SCHIP1: variants seen among roughly 807,000 people sequenced by gnomAD.
SCHIP1 encodes schwannomin interacting protein 1.
SCHIP1 carries 8 observed loss-of-function variants against 29.7 expected under a neutral mutation model. The ratio of observed to expected loss-of-function variants is 0.27; its 90% confidence interval spans 0.16 to 0.49. The LOEUF is 0.49. Ranked by LOEUF, SCHIP1 falls within the 20% of genes least tolerant of loss-of-function variation. The pLI, the probability that SCHIP1 is intolerant of heterozygous loss-of-function variation, is 0.99. For missense variants in SCHIP1, 193 were observed against 294.6 expected (o/e 0.66, Z 2.52); for synonymous variants, 76 against 94.9 (o/e 0.80, Z 1.16).
the SCHIP1 span, among the ~76,000 whole-genome samples, chr3:159,418,138 C>T: frequency 0.96 from 145,651 of 152,298 alleles, 69,678 homozygotes; most frequent in Admixed American, 0.97. Context: ...TAGAGCTTTT[C>T]CCATATTGGC....
chr3:159,591,838 T>A, the SCHIP1 span, among the ~76,000 whole-genome samples: 1 of 151,746 alleles, frequency 6.6e-6, no homozygotes, highest in East Asian at 1.9e-4. Context: ...AAAACATAGA[T>A]GAAGGGTTGA....
the SCHIP1 span, among the ~76,000 whole-genome samples, chr3:159,552,446 C>T: frequency 6.6e-6 from 1 of 151,406 alleles, no homozygotes; most frequent in Non-Finnish European, 1.5e-5. Context: ...ATGAATGAAT[C>T]GACAAAAAAA....
chr3:159,725,225 G>A, the SCHIP1 span, among the ~76,000 whole-genome samples: 2 of 151,500 alleles, frequency 1.3e-5, no homozygotes, highest in African/African-American at 4.8e-5. Flanking sequence ...CACTTGGGAA[G>A]ATGAGAGAGA....
the SCHIP1 span, among the ~76,000 whole-genome samples, chr3:159,762,895 A>T: frequency 1.3e-5 from 2 of 152,106 alleles, no homozygotes; most frequent in East Asian, 1.9e-4. Context: ...CCCTCACCTG[A>T]TATCTACCTC....
the SCHIP1 span, among the ~76,000 whole-genome samples, chr3:159,753,110 A>G: frequency 1.3e-5 from 2 of 152,110 alleles, no homozygotes; most frequent in African/African-American, 2.4e-5. Flanking sequence ...TCCTAGTTCT[A>G]TAAGTGCTAG....
At chr3:159,355,770 A>T in the SCHIP1 span, among the ~76,000 whole-genome samples, 1 of 152,004 alleles carries the variant, frequency 6.6e-6, no homozygotes, top group Admixed American at 6.6e-5. Context: ...GGCGAGGCTA[A>T]ATTTGACCTG....
the SCHIP1 span, among the ~76,000 whole-genome samples, chr3:159,421,230 A>T: frequency 6.6e-6 from 1 of 152,084 alleles, no homozygotes; most frequent in Non-Finnish European, 1.5e-5. Context: ...TTTATTGTTC[A>T]TTATTTTCTT....
the SCHIP1 span, among the ~76,000 whole-genome samples, chr3:159,481,446 G>A: frequency 6.6e-6 from 1 of 152,180 alleles, no homozygotes; most frequent in Non-Finnish European, 1.5e-5. Context: ...AAGATGTCCA[G>A]TTGAATTGAA....
At chr3:159,750,898 C>CAA in the SCHIP1 span, among the ~76,000 whole-genome samples, 15 of 87,210 alleles carry the variant, frequency 1.7e-4, no homozygotes, top group African/African-American at 5.2e-4. Context: ...ATTTTCCAAA[C>CAA]AAACAAAAAA....
the SCHIP1 span, among the ~76,000 whole-genome samples, chr3:159,492,285 A>G: frequency 6.6e-6 from 1 of 152,240 alleles, no homozygotes; most frequent in Non-Finnish European, 1.5e-5. Flanking sequence ...AGAAGGCTTC[A>G]GAAGATCAAA....
At chr3:159,442,597 AT>A in the SCHIP1 span, among the ~76,000 whole-genome samples, 1 of 152,176 alleles carries the variant, frequency 6.6e-6, no homozygotes, top group Admixed American at 6.6e-5. Context: ...TGCAGGGTGG[AT>A]TTTTAAAAAA....
At chr3:159,490,726 C>T in the SCHIP1 span, among the ~76,000 whole-genome samples, 1 of 152,122 alleles carries the variant, frequency 6.6e-6, no homozygotes. Context: ...CTAAGATTTA[C>T]ACTGCAAACT....
chr3:159,853,510 G>A, intron 1 of SCHIP1: 1 of 665,044 alleles, frequency 1.5e-6, no homozygotes, highest in Non-Finnish European at 2.7e-6. Context: ...TTTTCTAACT[G>A]GAGAAAGATC....
chr3:159,693,378 TC>T, the SCHIP1 span, among the ~76,000 whole-genome samples: 1 of 152,164 alleles, frequency 6.6e-6, no homozygotes, highest in Non-Finnish European at 1.5e-5. Context: ...GTAAATGAAA[TC>T]TGCCAACTTT....
At chr3:159,637,455 G>C in the SCHIP1 span, among the ~76,000 whole-genome samples, 1 of 150,782 alleles carries the variant, frequency 6.6e-6, no homozygotes, top group African/African-American at 2.4e-5. Flanking sequence ...GTGGGAGATA[G>C]GAGTAACCAA....
chr3:159,296,094 G>A, the SCHIP1 span, among the ~76,000 whole-genome samples: 2 of 150,710 alleles, frequency 1.3e-5, no homozygotes, highest in Non-Finnish European at 2.9e-5. Flanking sequence ...GAGGAGGAAA[G>A]AGGAAAACAA....
chr3:159,881,869 G>A (rs958931537), intron 2 of SCHIP1, among the ~76,000 whole-genome samples: 14 of 152,162 alleles, frequency 9.2e-5, no homozygotes, highest in African/African-American at 3.4e-4. Flanking sequence ...AGTCATCTCC[G>A]GTCAGCGAGG....
the SCHIP1 span, among the ~76,000 whole-genome samples, chr3:159,813,838 C>T: frequency 2.0e-5 from 3 of 152,066 alleles, no homozygotes; most frequent in African/African-American, 7.2e-5. Context: ...TTTATAGGTA[C>T]CAAGATAAAA....
the SCHIP1 span, chr3:159,764,525 C>G: frequency 6.3e-7 from 1 of 1,587,428 alleles, no homozygotes; most frequent in South Asian, 1.1e-5. This position sits in a 1 kb window ranked among gnomAD's most constrained non-coding sequence, Gnocchi z 6.1. Context: ...CAGTCCAACT[C>G]CACCAAAGTG....
Sources: gnomAD v4.1 joint callset for allele counts (sites outside exome capture counted in the v4.1 genomes callset) on GRCh38, gnomAD v4.1.1 for gene constraint, Gnocchi (gnomAD v3.1) non-coding constraint, MANE v1.5 for transcripts, NCBI Gene and HGNC (gene_info 2026-07-23, HGNC 2026-07-21) for gene names.